Variants in PRTG observed in about 807,000 individuals in gnomAD.
PRTG encodes immunoglobulin superfamily, DCC subclass, member 5.
Under a neutral mutation model 122.5 loss-of-function variants are expected in PRTG, and 67 were observed. The observed-to-expected ratio is 0.55, with a 90% CI of 0.45 to 0.67. PRTG has a LOEUF of 0.67. PRTG is among the 30% of genes least tolerant of loss of function. The pLI, the probability that PRTG is intolerant of heterozygous loss-of-function variation, is 0.00. For synonymous variants in PRTG, 554 were observed against 501.1 expected (o/e 1.11, Z -1.41); for missense variants, 1,435 against 1,415.4 (o/e 1.01, Z -0.22).
intron 11 of PRTG, among the ~76,000 whole-genome samples, chr15:55,646,446 C>T (rs1050697616): frequency 6.6e-6 from 1 of 152,004 alleles, no homozygotes; most frequent in Non-Finnish European, 1.5e-5. Context: ...CCTCAGCCTC[C>T]CAAGTAGCTA....
chr15:55,711,929 A>C (rs1178361021), intron 2 of PRTG, among the ~76,000 whole-genome samples: 1 of 152,184 alleles, frequency 6.6e-6, no homozygotes, highest in African/African-American at 2.4e-5. Flanking sequence ...TGTGGATGTA[A>C]ATAAAAAAAA....
Position 55,689,948 on chromosome 15 carries a change from T to C in PRTG, c.398-6017A>G, listed in dbSNP as rs920449561. On this transcript the variant is annotated intron_variant, in intron 2 of 19. Transcript: ENST00000389286. ...GTCTCAAAAAAAAAAAAAAGAGTAG[T>C]TAGGCATCAATTATTTCAAAACCAA... Among the ~76,000 whole-genome samples, 6 of 150,740 alleles carry C rather than the reference T, an allele frequency of 4.0e-5. No homozygotes were observed. In the South Asian group the frequency reaches 1.0e-3, roughly 26 times the overall value.
intron 1 of PRTG, among the ~76,000 whole-genome samples, chr15:55,741,556 T>C (rs1233684927): frequency 6.6e-6 from 1 of 152,132 alleles, no homozygotes; most frequent in Non-Finnish European, 1.5e-5. Context: ...TCGATGACCA[T>C]ACAATACTCT....
At chr15:55,687,946 A>G (rs2059579316) in intron 2 of PRTG, among the ~76,000 whole-genome samples, 1 of 152,104 alleles carries the variant, frequency 6.6e-6, no homozygotes, top group Non-Finnish European at 1.5e-5. Context: ...CTGGACACCA[A>G]TCCCAATCTC....
At chr15:55,724,985 C>A (rs1436314230) in intron 2 of PRTG, among the ~76,000 whole-genome samples, 1 of 152,124 alleles carries the variant, frequency 6.6e-6, no homozygotes, top group African/African-American at 2.4e-5. Flanking sequence ...GAAATAAAGA[C>A]CACTGGTAAA....
rs777990696 is a variant in PRTG, at chr15:55,672,432, C to T, written c.2041+13G>A. On this transcript the variant is annotated intron_variant, in intron 11 of 19. Coordinates refer to ENST00000389286, the MANE Select transcript of PRTG (RefSeq NM_173814.6). ...GAAGGAAAAAGGGAAAAATACAGTA[C>T]AAACTCACTCACCTAAGCCACTGAG... 1.2e-6 allele frequency: 2 copies of T among 1,604,584 alleles called. No homozygotes were observed. Among genetic ancestry groups the T allele is most frequent in the South Asian group, 1.1e-5 (1 of 89,504 alleles).
At chr15:55,699,382 G>C (rs1233329280) in intron 2 of PRTG, among the ~76,000 whole-genome samples, 1 of 152,056 alleles carries the variant, frequency 6.6e-6, no homozygotes, top group Non-Finnish European at 1.5e-5. Flanking sequence ...TAAAGCCCAA[G>C]AGTAAGAAAT....
intron 18 of PRTG, among the ~76,000 whole-genome samples, chr15:55,621,926 T>C (rs2141708143): frequency 6.6e-6 from 1 of 152,300 alleles, no homozygotes; most frequent in South Asian, 2.1e-4. Flanking sequence ...TTTCTGTATG[T>C]TTGAAAATTT....
At chr15:55,721,772 A>G (rs1366930439) in intron 2 of PRTG, among the ~76,000 whole-genome samples, 1 of 152,168 alleles carries the variant, frequency 6.6e-6, no homozygotes, top group East Asian at 1.9e-4. Flanking sequence ...GGGAGAAGCA[A>G]ACATGTCCTT....
At chr15:55,653,210 A>G (rs955237978) in intron 11 of PRTG, among the ~76,000 whole-genome samples, 3 of 152,136 alleles carry the variant, frequency 2.0e-5, no homozygotes, top group East Asian at 1.9e-4. Context: ...TCACTTCTCA[A>G]ACTTTCCCTG....
intron 4 of PRTG, among the ~76,000 whole-genome samples, chr15:55,682,088 G>A (rs2141815459): frequency 6.6e-6 from 1 of 152,270 alleles, no homozygotes; most frequent in African/African-American, 2.4e-5. Flanking sequence ...TGAGAGACCT[G>A]AGCATCAGTG....
intron 2 of PRTG, among the ~76,000 whole-genome samples, chr15:55,696,787 G>A (rs2141835648): frequency 6.6e-6 from 1 of 152,262 alleles, no homozygotes; most frequent in East Asian, 1.9e-4. Context: ...TAGTGAACAT[G>A]TTATCCTGCT....
intron 11 of PRTG, among the ~76,000 whole-genome samples, chr15:55,645,442 A>AAAAAAAAAAAAAG: frequency 7.7e-6 from 1 of 130,440 alleles, no homozygotes; most frequent in East Asian, 2.2e-4. Flanking sequence ...TCAAAAAAAA[A>AAAAAAAAAAAAAG]AAAAAAAAGA....
chr15:55,624,466 T>C lies in PRTG; in HGVS notation c.2969A>G (p.Gln990Arg). 6.8e-6 allele frequency: 11 copies of C among 1,614,058 alleles called. No homozygotes were observed. Among genetic ancestry groups the C allele is most frequent in the Non-Finnish European group, 9.3e-6 (11 of 1,179,926 alleles). The change falls in exon 18 of 20, where the codon CAG (glutamine) becomes CGG (arginine). Residue 990 changes from glutamine to arginine, a missense_variant. By Grantham distance (43) the Gln-to-Arg change is conservative. Coordinates refer to ENST00000389286, the MANE Select transcript of PRTG (RefSeq NM_173814.6). ...TAAGGAGGCACTGGTACGAGGTAAC[T>C]GTTGAGTTCCATTCTGTGCCGTCTT... The part of the protein sequence containing the change: ...ASKTAQNGTQ[Q>R]LPRTSASLAS...
At chr15:55,672,383 C>CT in intron 11 of PRTG, 62 bp downstream of exon 11, 4 of 1,364,498 alleles carry the variant, frequency 2.9e-6, no homozygotes, top group Non-Finnish European at 4.1e-6. Context: ...GATCCAATAA[C>CT]TTTTTTCGCA....
At position 55,672,515 on chromosome 15, in the gene PRTG, T is replaced by C. The variant is rs1027978408; in HGVS notation, c.1971A>G (p.Glu657=). 2 of 1,614,110 alleles carry C rather than the reference T, an allele frequency of 1.2e-6. No homozygotes were observed. The highest frequency in any genetic ancestry group is 2.2e-5 in the South Asian group (2 of 91,072). Residue 657 remains glutamate (E), a synonymous_variant, in exon 11 of 20, where the codon GAA becomes GAG. Transcript: ENST00000389286. Reference sequence around the variant, plus strand: ...TGGGCCCATTCTCCTGCTGCCCTTCTTCCTTGTAGTACAGCTTGTAGCCCT... The same window carrying C: ...TGGGCCCATTCTCCTGCTGCCCTTCCTCCTTGTAGTACAGCTTGTAGCCCT... ...AIQGYKLYYK[E]EGQQENGPIF... is the part of the protein sequence containing the mutation.
At chr15:55,642,180 CAAAAAAAAA>C (rs761440348) in intron 11 of PRTG, among the ~76,000 whole-genome samples, 13 of 66,764 alleles carry the variant, frequency 1.9e-4, no homozygotes, top group Non-Finnish European at 6.4e-5. Context: ...GACTCCGTCT[CAAAAAAAAA>C]AAAAAAAAAA....
chr15:55,651,687 G>T lies in PRTG; in HGVS notation c.2042-10479C>A, dbSNP rs1054039275. ...ATCAACAATAAGAGATAATATTTGG[G>T]TCATGAAAACTAGGTCTTTGTTGCT... is the stretch of plus-strand genomic sequence containing the variant. On this transcript the variant is annotated intron_variant, in intron 11 of 19. Transcript: ENST00000389286. Among the ~76,000 whole-genome samples the T allele has an allele frequency of 5.9e-5, 9 of 152,170 alleles. No homozygotes were observed. The South Asian group carries it at 1.0e-3, about 18-fold the overall frequency.
chr15:55,707,891 C>T (rs1227810592), intron 2 of PRTG, among the ~76,000 whole-genome samples: 4 of 152,136 alleles, frequency 2.6e-5, no homozygotes, highest in Admixed American at 1.3e-4. Flanking sequence ...GTTCTATTCA[C>T]CACCTTATGC....
Sources: allele counts gnomAD v4.1 joint callset (sites outside exome capture counted in the v4.1 genomes callset), GRCh38; gene constraint gnomAD v4.1.1; transcripts MANE v1.5; gene names NCBI Gene and HGNC (gene_info 2026-07-23, HGNC 2026-07-21).